TPCN1: variants seen among roughly 807,000 people sequenced by gnomAD.
TPCN1 encodes the protein two pore channel protein 1.
A neutral mutation model predicts 108.8 loss-of-function variants in TPCN1; 52 were observed. The observed-to-expected ratio is 0.48, with a 90% CI of 0.38 to 0.60. TPCN1 has a LOEUF of 0.60. Ranked by LOEUF, TPCN1 falls within the 20% of genes least tolerant of loss-of-function variation. TPCN1 has a pLI of 0.00. For synonymous variants in TPCN1, 446 were observed against 433.7 expected, an observed-to-expected ratio of 1.03 and a Z score of -0.35; for missense variants, 806 against 1,072.8, an observed-to-expected ratio of 0.75 and a Z score of 3.47.
At position 113,231,651 on chromosome 12, in the gene TPCN1, G is replaced by T. The variant is rs1335718628; in HGVS notation, c.112+4687G>T. 6.6e-6 allele frequency among the ~76,000 whole-genome samples: 1 copy of T among 152,180 alleles called. No homozygotes were observed. Among genetic ancestry groups the T allele is most frequent in the African/African-American group, 2.4e-5 (1 of 41,424 alleles). ...AACCCTATGTGAGGGCCTTATCCCT[G>T]CAGGAAACTGGAGGGTTTGGGTTTT... On this transcript the variant is annotated intron_variant, in intron 2 of 27. Transcript: ENST00000335509. The surrounding 1 kb of genome is among the most constrained non-coding windows in gnomAD (Gnocchi z 4.3).
At chr12:113,280,265 G>A in intron 15 of TPCN1, 70 bp downstream of exon 15, 1 of 1,323,566 alleles carries the variant, frequency 7.6e-7, no homozygotes, top group African/African-American at 1.4e-5. Context: ...AAGCGGGAGA[G>A]GCAAGAGATT....
In TPCN1 at chr12:113,284,723, A is replaced by G. The variant is rs746057082; in HGVS notation, c.1405A>G (p.Asn469Asp). The change falls in exon 17 of 28, where the codon AAC (asparagine) becomes GAC (aspartate). Residue 469 changes from asparagine to aspartate, a missense_variant. Physicochemically the swap from Asn to Asp is conservative, Grantham distance 23. Coordinates refer to ENST00000335509, the MANE Select transcript of TPCN1 (RefSeq NM_017901.6). The surrounding 1 kb of genome is among the most constrained non-coding windows in gnomAD (Gnocchi z 4.1). ...LVETFMLKGGNFFSKHVPWSY... is the reference protein window; with the variant it reads ...LVETFMLKGGDFFSKHVPWSY... ...GCTACTTCTCTGTCTTACAGGTGGG[A>G]ACTTCTTCTCCAAGCACGTGCCCTG... The G allele has an allele frequency of 6.8e-6, 11 of 1,614,000 alleles. No individual in the cohort carries two copies. The highest frequency in any genetic ancestry group is 7.6e-6 in the Non-Finnish European group (9 of 1,180,040).
Position 113,266,757 on chromosome 12 carries a change from G to A in TPCN1, c.414+401G>A, listed in dbSNP as rs777867508. On this transcript the variant is annotated intron_variant, in intron 4 of 27. Transcript: ENST00000335509. This position sits in a 1 kb window ranked among gnomAD's most constrained non-coding sequence, Gnocchi z 4.2. ...ATGTTTCCTGGGCAGCCCCAGCCCC[G>A]CAGATGTCCCTACACCCAGGCCCAG... is the stretch of plus-strand genomic sequence containing the variant. Among the ~76,000 whole-genome samples the A allele has an allele frequency of 3.9e-5, 6 of 152,152 alleles. No individual in the cohort carries two copies. The highest frequency in any genetic ancestry group is 2.0e-4 in the Admixed American group (3 of 15,282).
chr12:113,295,245 T>G (rs1484584493), intron 27 of TPCN1, among the ~76,000 whole-genome samples: 1 of 152,040 alleles, frequency 6.6e-6, no homozygotes, highest in Non-Finnish European at 1.5e-5. Flanking sequence ...GGGCCAGAAC[T>G]AGGCCATCTC....
In TPCN1 at chr12:113,284,835, C is replaced by T; in HGVS notation, c.1453+64C>T. On this transcript the variant is annotated intron_variant, in intron 17 of 27. Transcript: ENST00000335509. This position sits in a 1 kb window ranked among gnomAD's most constrained non-coding sequence, Gnocchi z 4.1. ...AAAATTGTCTGGGAGAACTTTCATTCAGTGTAGAACCTCATGGTTCTTCTC... is the reference window on the plus strand; with the variant it reads ...AAAATTGTCTGGGAGAACTTTCATTTAGTGTAGAACCTCATGGTTCTTCTC... 1.3e-6 allele frequency: 2 copies of T among 1,541,504 alleles called. No homozygotes were observed. Among genetic ancestry groups the T allele is most frequent in the Admixed American group, 1.7e-5 (1 of 59,824 alleles).
At chr12:113,280,362 G>A (rs1414290701) in intron 15 of TPCN1, 167 bp downstream of exon 15, 6 of 519,912 alleles carry the variant, frequency 1.2e-5, no homozygotes, top group South Asian at 3.4e-5. Context: ...ACGCATCCCC[G>A]TGCCCATCAC....
chr12:113,284,040 C>G lies in TPCN1; in HGVS notation c.1343-541C>G, dbSNP rs994890021. ...GTATCGTAGTCTGTTCAACCAGTCC[C>G]CTACTGATGATCATTGAGATTGTTG... On this transcript the variant is annotated intron_variant, in intron 15 of 27. Coordinates refer to ENST00000335509, the MANE Select transcript of TPCN1 (RefSeq NM_017901.6). This position sits in a 1 kb window ranked among gnomAD's most constrained non-coding sequence, Gnocchi z 4.1. Among the ~76,000 whole-genome samples, 13 of 152,162 alleles carry G rather than the reference C, an allele frequency of 8.5e-5. No homozygotes were observed. Among genetic ancestry groups the G allele is most frequent in the African/African-American group, 2.4e-4 (10 of 41,444 alleles).
In TPCN1 at chr12:113,291,938, G is replaced by A; in HGVS notation, c.2093G>A (p.Arg698His). 1.2e-6 allele frequency: 2 copies of A among 1,608,226 alleles called. No homozygotes were observed. Among genetic ancestry groups the A allele is most frequent in the Non-Finnish European group, 1.7e-6 (2 of 1,176,604 alleles). Residue 698 changes from arginine to histidine, a missense_variant, in exon 25 of 28, where the codon CGC becomes CAC. Arg to His is a conservative substitution (Grantham distance 29). Coordinates refer to ENST00000335509, the MANE Select transcript of TPCN1 (RefSeq NM_017901.6). ...EAFVFRMNYS[R>H]KNQDSEVDGG... Reference sequence around the variant, plus strand: ...TTCGTCTTCCGAATGAACTACAGCCGCAAGAACCAGGACTCGGAAGGTCTG... The same window carrying A: ...TTCGTCTTCCGAATGAACTACAGCCACAAGAACCAGGACTCGGAAGGTCTG...
intron 15 of TPCN1, among the ~76,000 whole-genome samples, chr12:113,282,204 C>T: frequency 6.6e-6 from 1 of 151,108 alleles, no homozygotes. Flanking sequence ...CATTCTCCTG[C>T]CTCAGCCTCC....
At chr12:113,287,727 C>T (rs946806496) in intron 19 of TPCN1, among the ~76,000 whole-genome samples, 8 of 152,168 alleles carry the variant, frequency 5.3e-5, no homozygotes, top group South Asian at 4.1e-4. Flanking sequence ...ACCCCCTTGG[C>T]GTGTGGGGGT....
rs751706008 is a variant in TPCN1 at position 113,285,905 on chromosome 12, G to C, written c.1470G>C (p.Leu490=). ...TGTCCACAGTCTATGGGGTGGAGCT[G>C]TTCCTGAAGGTTGCCGGCCTGGGCC... The part of the protein sequence containing the change: ...LVFLTIYGVE[L]FLKVAGLGPV... Residue 490 remains leucine (L), a synonymous_variant, in exon 18 of 28, where the codon CTG becomes CTC. Transcript: ENST00000335509. 4.3e-6 allele frequency: 7 copies of C among 1,614,170 alleles called. No individual in the cohort carries two copies. Among genetic ancestry groups the C allele is most frequent in the Non-Finnish European group, 5.9e-6 (7 of 1,180,000 alleles).
At chr12:113,223,916 A>C (rs188995181) in intron 1 of TPCN1, among the ~76,000 whole-genome samples, 1 of 152,346 alleles carries the variant, frequency 6.6e-6, no homozygotes, top group East Asian at 1.9e-4. Context: ...CCAGTTAAAA[A>C]AAAATACTCT....
chr12:113,278,081 C>T, intron 12 of TPCN1, 108 bp from the exon 13 acceptor site: 1 of 895,614 alleles, frequency 1.1e-6, no homozygotes, highest in South Asian at 1.4e-5. Flanking sequence ...TGTCCCCTCT[C>T]TTCCTCCCTC....
At position 113,278,904 on chromosome 12, in the gene TPCN1, A is replaced by G. The variant is rs552427704; in HGVS notation, c.1297+69A>G. 4.4e-5 allele frequency: 63 copies of G among 1,433,560 alleles called. No homozygotes were observed. In the South Asian group the frequency reaches 6.9e-4, roughly 16 times the overall value. 88.8% of individuals were successfully genotyped at this position (1,433,560 alleles called of 1,614,324 possible). A position where few individuals can be genotyped will look rare whatever the true frequency, so the allele number is the denominator to read the frequency against. On this transcript the variant is annotated intron_variant, in intron 14 of 27. Coordinates refer to ENST00000335509, the MANE Select transcript of TPCN1 (RefSeq NM_017901.6). ...ATGGAGGTTTTCAGAGACCACAGAT[A>G]AGCGTCTGAGGAGAGGTTCAGAGGG...
chr12:113,247,728 T>C (rs1593112197), intron 2 of TPCN1, among the ~76,000 whole-genome samples: 1 of 152,258 alleles, frequency 6.6e-6, no homozygotes, highest in South Asian at 2.1e-4. Context: ...TCCCTAAATA[T>C]GTAGCCCAGT....
intron 18 of TPCN1, among the ~76,000 whole-genome samples, chr12:113,286,469 G>A (rs775427757): frequency 3.9e-5 from 5 of 128,634 alleles, no homozygotes; most frequent in African/African-American, 1.4e-4. Flanking sequence ...GGGAGGAGCC[G>A]ACAGCACGTG....
chr12:113,267,446 T>TG (rs1242738274), intron 4 of TPCN1, among the ~76,000 whole-genome samples: 1 of 151,994 alleles, frequency 6.6e-6, no homozygotes, highest in Non-Finnish European at 1.5e-5. Context: ...TTGCCCAGGC[T>TG]GGTGTGCAGT....
chr12:113,247,047 C>T (rs1474341158), intron 2 of TPCN1, among the ~76,000 whole-genome samples: 1 of 152,180 alleles, frequency 6.6e-6, no homozygotes, highest in East Asian at 1.9e-4. Context: ...GCCACTAGAG[C>T]AGGTGGGTGT....
chr12:113,253,599 T>C (rs971996815), intron 2 of TPCN1, among the ~76,000 whole-genome samples: 3 of 152,198 alleles, frequency 2.0e-5, no homozygotes, highest in African/African-American at 7.2e-5. Context: ...GCCTTGAGTC[T>C]TCTGTCTGCA....
Sources: gnomAD v4.1 joint callset for allele counts (sites outside exome capture counted in the v4.1 genomes callset) on GRCh38, gnomAD v4.1.1 for gene constraint, Gnocchi (gnomAD v3.1) non-coding constraint, MANE v1.5 for transcripts, NCBI Gene and HGNC (gene_info 2026-07-23, HGNC 2026-07-21) for gene names.